The following MYO16 variants were observed in gnomAD, a reference collection of about 807,000 sequenced individuals.
The protein encoded by MYO16 is myosin XVI.
MYO16 carries 94 observed loss-of-function variants against 205.3 expected under a neutral mutation model. The ratio of observed to expected loss-of-function variants is 0.46; its 90% CI spans 0.39 to 0.54. The LOEUF (loss-of-function observed/expected upper bound fraction) is 0.54, where lower values mean the gene tolerates loss of function less well. MYO16 is among the 20% of genes least tolerant of loss of function. The pLI, the probability that MYO16 is intolerant of heterozygous loss-of-function variation, is 0.00. For synonymous variants in MYO16, 988 were observed against 954.0 expected, an observed-to-expected ratio of 1.04 and a Z score of -0.66; for missense variants, 2,315 against 2,387.5, an observed-to-expected ratio of 0.97 and a Z score of 0.63.
At chr13:108,588,662 G>C in the MYO16 span, among the ~76,000 whole-genome samples, 1 of 152,130 alleles carries the variant, frequency 6.6e-6, no homozygotes, top group African/African-American at 2.4e-5. Flanking sequence ...ATTCATGGTT[G>C]AGTAGTACTG....
chr13:108,853,149 G>A (rs1473670336), intron 10 of MYO16, among the ~76,000 whole-genome samples: 1 of 152,194 alleles, frequency 6.6e-6, no homozygotes, highest in African/African-American at 2.4e-5. Context: ...CTATGGTCGC[G>A]CCTCTCTCTG....
At chr13:108,881,494 C>T (rs1318473846) in intron 12 of MYO16, among the ~76,000 whole-genome samples, 1 of 152,200 alleles carries the variant, frequency 6.6e-6, no homozygotes, top group Non-Finnish European at 1.5e-5. Flanking sequence ...TAACAAACTT[C>T]TCCGAGCTAA....
intron 2 of MYO16, among the ~76,000 whole-genome samples, chr13:108,675,556 A>C (rs1312521140): frequency 6.6e-6 from 1 of 152,230 alleles, no homozygotes; most frequent in East Asian, 1.9e-4. Flanking sequence ...TGTGAGAATA[A>C]TTGAAAAAAG....
At chr13:109,197,013 C>T (rs1880190055) in intron 34 of MYO16, among the ~76,000 whole-genome samples, 1 of 152,096 alleles carries the variant, frequency 6.6e-6, no homozygotes, top group South Asian at 2.1e-4. Flanking sequence ...CCGTGCCATC[C>T]CAAAATAATA....
chr13:109,075,041 C>G (rs1888046787), intron 27 of MYO16, among the ~76,000 whole-genome samples: 1 of 152,132 alleles, frequency 6.6e-6, no homozygotes, highest in Admixed American at 6.6e-5. Flanking sequence ...TTGTTATAGT[C>G]CGTTCTTTTT....
At chr13:108,617,115 C>G (rs752011752) in intron 1 of MYO16, among the ~76,000 whole-genome samples, 1 of 152,036 alleles carries the variant, frequency 6.6e-6, no homozygotes, top group Non-Finnish European at 1.5e-5. Context: ...TTCTTGCCAC[C>G]GAGTGTGCCA....
intron 7 of MYO16, among the ~76,000 whole-genome samples, chr13:108,810,667 C>G (rs1261351632): frequency 2.5e-5 from 1 of 40,602 alleles, no homozygotes; most frequent in East Asian, 3.2e-4. Context: ...ATTTATAACT[C>G]TCTCTGAAGA....
chr13:109,044,976 C>T (rs1566478643), intron 23 of MYO16, among the ~76,000 whole-genome samples: 1 of 152,166 alleles, frequency 6.6e-6, no homozygotes, highest in Admixed American at 6.5e-5. Flanking sequence ...GCGTGAGCCA[C>T]CGCACTCGGC....
chr13:108,863,599 G>A (rs1031690629), intron 11 of MYO16, among the ~76,000 whole-genome samples: 5 of 151,864 alleles, frequency 3.3e-5, no homozygotes, highest in Admixed American at 1.3e-4. Flanking sequence ...TTAATATTTT[G>A]CTTAGGATTT....
In MYO16 at chr13:109,178,450, G is replaced by A. The variant is rs148734601; in HGVS notation, c.5324-1092G>A. On this transcript the variant is annotated intron_variant, in intron 33 of 34. Coordinates refer to ENST00000457511, the MANE Select transcript of MYO16 (RefSeq NM_001198950.3). ...AACTCTCTCCTATAATTGGAAAAGC[G>A]TGCACTGATTGTCTAATGATTTTTA... Among the ~76,000 whole-genome samples the A allele has an allele frequency of 1.5e-3, 224 of 152,274 alleles. 1 individual carries two copies. Among genetic ancestry groups the A allele is most frequent in the African/African-American group, 5.0e-3 (209 of 41,560 alleles).
chr13:108,863,905 G>C (rs1399645511), intron 11 of MYO16, among the ~76,000 whole-genome samples: 3 of 152,122 alleles, frequency 2.0e-5, no homozygotes, highest in African/African-American at 7.2e-5. Context: ...GCTTTGGTAT[G>C]ATGTATTTTC....
At chr13:109,086,090 G>C (rs76603601) in intron 27 of MYO16, among the ~76,000 whole-genome samples, 516 of 152,158 alleles carry the variant, frequency 3.4e-3, no homozygotes, top group Admixed American at 5.6e-3. Flanking sequence ...AAATTTATCT[G>C]TGCTGCCCAA....
At chr13:108,939,077 C>T (rs1882613539) in intron 16 of MYO16, among the ~76,000 whole-genome samples, 1 of 152,238 alleles carries the variant, frequency 6.6e-6, no homozygotes, top group Non-Finnish European at 1.5e-5. Flanking sequence ...CACTCCAGAG[C>T]AGGCTCTCCA....
chr13:108,963,432 C>A (rs866317546), intron 19 of MYO16, among the ~76,000 whole-genome samples: 1 of 152,292 alleles, frequency 6.6e-6, no homozygotes, highest in East Asian at 1.9e-4. Flanking sequence ...GTCAGACACA[C>A]GCCATAAATA....
intron 1 of MYO16, among the ~76,000 whole-genome samples, chr13:108,655,442 C>T (rs938681905): frequency 6.6e-6 from 1 of 152,322 alleles, no homozygotes; most frequent in East Asian, 1.9e-4. Flanking sequence ...TATGGAAATG[C>T]CTGGATGCCC....
At chr13:108,569,212 T>A in the MYO16 span, among the ~76,000 whole-genome samples, 1 of 152,148 alleles carries the variant, frequency 6.6e-6, no homozygotes, top group Admixed American at 6.5e-5. Flanking sequence ...CAGCTGGAAT[T>A]TTGATAGGGT....
At chr13:108,954,169 A>C (rs1412751429) in intron 16 of MYO16, among the ~76,000 whole-genome samples, 1 of 152,194 alleles carries the variant, frequency 6.6e-6, no homozygotes, top group Non-Finnish European at 1.5e-5. Context: ...GAGGATGGGG[A>C]GGTTTAAAGA....
intron 11 of MYO16, among the ~76,000 whole-genome samples, chr13:108,863,524 G>T (rs1273652842): frequency 6.6e-6 from 1 of 151,904 alleles, no homozygotes; most frequent in Non-Finnish European, 1.5e-5. Flanking sequence ...AACCAACCTT[G>T]CATTTCTAGA....
At chr13:109,147,588 C>T (rs1439133895) in intron 32 of MYO16, among the ~76,000 whole-genome samples, 8 of 152,186 alleles carry the variant, frequency 5.3e-5, no homozygotes, top group South Asian at 2.1e-4. Flanking sequence ...TGCCTATGTG[C>T]GGGTCTTGTA....
Sources: allele counts gnomAD v4.1 joint callset (sites outside exome capture counted in the v4.1 genomes callset), GRCh38; gene constraint gnomAD v4.1.1; transcripts MANE v1.5; gene names NCBI Gene and HGNC (gene_info 2026-07-23, HGNC 2026-07-21).